Variants in OCEL1 observed in about 807,000 individuals in gnomAD.
The protein encoded by OCEL1 is occludin/ELL domain containing 1, also known as occludin/ELL domain-containing protein 1.
A neutral mutation model predicts 29.4 loss-of-function variants in OCEL1; 24 were observed. That is an observed-to-expected ratio of 0.82 (90% CI 0.59 to 1.15). The LOEUF is 1.15. Among genes scored for constraint, OCEL1 ranks in the 50% most tolerant of loss-of-function variants. The probability of loss-of-function intolerance (pLI) is 0.00; values close to 1 mark genes in which losing one functional copy is unlikely to be tolerated. For synonymous variants in OCEL1, 172 were observed against 145.3 expected, an observed-to-expected ratio of 1.18 and a Z score of -1.32; for missense variants, 402 against 352.5, an observed-to-expected ratio of 1.14 and a Z score of -1.13.
At chr19:17,226,541 C>T in intron 1 of OCEL1, 152 bp from the exon 2 acceptor site, 2 of 961,722 alleles carry the variant, frequency 2.1e-6, no homozygotes, top group South Asian at 1.7e-5. Flanking sequence ...GACGTCGCTG[C>T]GGACCAATCG....
At position 17,227,908 on chromosome 19, in the gene OCEL1, G is replaced by A; in HGVS notation, c.521G>A (p.Gly174Glu). The change falls in exon 4 of 6, where the codon GGA becomes GAA. Residue 174 changes from glycine (G) to glutamate (E), a missense_variant. By Grantham distance (98) the Gly-to-Glu change is moderately conservative. Transcript: ENST00000215061. ...GTCGCAGTGTTCCAGGACCAGTACG[G>A]AGAGTTCTTGGAGCTCCAGCACGAG... ...RYVAVFQDQYGEFLELQHEVG... is the reference protein window; with the variant it reads ...RYVAVFQDQYEEFLELQHEVG... The A allele has an allele frequency of 6.2e-7, 1 of 1,613,800 alleles. No homozygotes were observed. The highest frequency in any genetic ancestry group is 2.2e-5 in the East Asian group (1 of 44,878).
Position 17,228,798 on chromosome 19 carries a change from C to T in OCEL1, c.673-5C>T. 1 of 1,612,500 alleles carries T rather than the reference C, an allele frequency of 6.2e-7. No individual in the cohort carries two copies. The stretch of plus-strand genomic sequence containing the variant: ...GCAAAGACTTCCGGGTCTCGCCCTG[C>T]CTAGGATCCTGGCTTCCTGGACAAG... On this transcript the variant is annotated splice_polypyrimidine_tract_variant and splice_region_variant and intron_variant, in intron 5 of 5. Coordinates refer to ENST00000215061, the MANE Select transcript of OCEL1 (RefSeq NM_024578.3).
At chr19:17,226,614 C>T (rs1250815354) in intron 1 of OCEL1, 79 bp from the exon 2 acceptor site, 6 of 1,369,616 alleles carry the variant, frequency 4.4e-6, no homozygotes, top group East Asian at 5.3e-5. Context: ...GAGAGTTGGC[C>T]GCTCTTCGGC....
At position 17,226,784 on chromosome 19, in the gene OCEL1, G is replaced by T; in HGVS notation, c.161G>T (p.Arg54Leu). The T allele has an allele frequency of 6.3e-7, 1 of 1,593,562 alleles. No individual in the cohort carries two copies. The highest frequency in any genetic ancestry group is 1.1e-5 in the South Asian group (1 of 89,662). Residue 54 changes from arginine to leucine, a missense_variant, in exon 2 of 6, where the codon CGG (arginine) becomes CTG (leucine). Arg to Leu is a moderately radical substitution (Grantham distance 102). Transcript: ENST00000215061. ...CGGAAACCCCTGAGCTGCTTCTCCC[G>T]GAGGCCGATGCCCACCCGGGAGCCC... ...SARKPLSCFS[R>L]RPMPTREPPK...
In OCEL1 at chr19:17,226,728, C is replaced by T. The variant is rs779370996; in HGVS notation, c.105C>T (p.His35=). Residue 35 remains histidine, a synonymous_variant, in exon 2 of 6, where the codon CAC becomes CAT. Coordinates refer to ENST00000215061, the MANE Select transcript of OCEL1 (RefSeq NM_024578.3). ...GACCACCCCCGCCGCGCGCGGGACA[C>T]GACGCCCCCCGCAGGACCCGCCCAT... ...ARRPPPPRAG[H]DAPRRTRPSA... is the part of the protein sequence containing the mutation. 4 of 1,535,076 alleles carry T rather than the reference C, an allele frequency of 2.6e-6. No individual in the cohort carries two copies. Among genetic ancestry groups the T allele is most frequent in the Non-Finnish European group, 3.5e-6 (4 of 1,148,846 alleles).
chr19:17,226,910 G>C, intron 2 of OCEL1, 41 bp downstream of exon 2: 2 of 1,514,880 alleles, frequency 1.3e-6, no homozygotes, highest in Non-Finnish European at 1.8e-6. Flanking sequence ...CGGGCCTCTA[G>C]GCAAAAGATT....
chr19:17,228,767 A>C, intron 5 of OCEL1, 36 bp from the exon 6 acceptor site: 1 of 1,606,880 alleles, frequency 6.2e-7, no homozygotes, highest in Non-Finnish European at 8.5e-7. Context: ...CACAGGGCAG[A>C]CTGCTGCAAA....
chr19:17,228,507 G>A, intron 5 of OCEL1, 198 bp downstream of exon 5: 2 of 632,238 alleles, frequency 3.2e-6, no homozygotes, highest in African/African-American at 1.8e-5. Flanking sequence ...TGCCTCAGCT[G>A]GGATCACAGG....
chr19:17,228,433 G>A (rs553746170), intron 5 of OCEL1, 124 bp downstream of exon 5: 36 of 994,640 alleles, frequency 3.6e-5, no homozygotes, highest in South Asian at 1.4e-4. Context: ...TCACCCAGGC[G>A]GGAGTGCAGT....
At position 17,226,847 on chromosome 19, in the gene OCEL1, A is replaced by C. The variant is rs200411700; in HGVS notation, c.224A>C (p.His75Pro). The C allele has an allele frequency of 3.6e-4, 554 of 1,551,220 alleles. No homozygotes were observed. The highest frequency in any genetic ancestry group is 4.6e-4 in the Non-Finnish European group (531 of 1,155,940). The change falls in exon 2 of 6, where the codon CAC becomes CCC. Residue 75 changes from histidine to proline, a missense_variant. By Grantham distance (77) the His-to-Pro change is moderately conservative (BLOSUM62 -2). Transcript: ENST00000215061. ...GGCTCCCGGGGGCACCTGCATACTC[A>C]CCCGCCTGGGCCTGGGCCCCCGGTG... ...TRGSRGHLHT[H>P]PPGPGPPLQG...
Position 17,229,089 on chromosome 19 carries a change from G to A in OCEL1, c.*164G>A. 1 of 716,914 alleles carries A rather than the reference G, an allele frequency of 1.4e-6. No homozygotes were observed. Among genetic ancestry groups the A allele is most frequent in the Non-Finnish European group, 2.2e-6 (1 of 462,408 alleles). 44.4% of individuals were successfully genotyped at this position (716,914 alleles called of 1,614,324 possible). A position where few individuals can be genotyped will look rare whatever the true frequency, so the allele number is the denominator to read the frequency against. ...CTCAGCTCTGACAGCCCCTCCTCCA[G>A]GAAGGCCTTCCAGGACTTCCTCCTC... On this transcript the variant is annotated 3_prime_UTR_variant, in exon 6 of 6. Transcript: ENST00000215061.
At position 17,228,391 on chromosome 19, in the gene OCEL1, T is replaced by C. The variant is rs528122389; in HGVS notation, c.672+82T>C. On this transcript the variant is annotated intron_variant, in intron 5 of 5. Transcript: ENST00000215061. ...GGTGCCTGTGCCCAGTTTCTTTTTT[T>C]TTTCTTTCTTTTGAGACAGAATCTC... The C allele has an allele frequency of 4.8e-5, 67 of 1,399,930 alleles. No homozygotes were observed. The South Asian group carries it at 6.1e-4, about 13-fold the overall frequency. 86.7% of individuals were successfully genotyped at this position (1,399,930 alleles called of 1,614,324 possible).
rs141402388 is a variant in OCEL1 at position 17,228,261 on chromosome 19, G to A, written c.624G>A (p.Glu208=). The change falls in exon 5 of 6, where the codon GAG becomes GAA. Residue 208 remains glutamate (E), a synonymous_variant. Coordinates refer to ENST00000215061, the MANE Select transcript of OCEL1 (RefSeq NM_024578.3). ...SSLPPPQSQK[E]AQVAARVWRE... ...TTCTACTCCTCCCCTTGCAGAAGGA[G>A]GCCCAAGTTGCAGCCCGGGTTTGGA... The A allele has an allele frequency of 1.5e-4, 237 of 1,614,106 alleles. 2 individuals are homozygous for A. The African/African-American group carries it at 2.7e-3, about 19-fold the overall frequency.
rs1395204928 is a variant in OCEL1 at position 17,226,714 on chromosome 19, C to CCG, written c.98_99dup (p.Gly34ArgfsTer17). On this transcript the variant is annotated frameshift_variant, in exon 2 of 6. Transcript: ENST00000215061. LOFTEE classifies it high-confidence loss of function. ...ACAGGCCGCCCGCAGACCACCCCCGCCGCGCGCGGGACACGACGCCCCCCG... is the reference window on the plus strand; with the variant it reads ...ACAGGCCGCCCGCAGACCACCCCCGCCGCGCGCGCGGGACACGACGCCCCCCG... 12 of 1,513,174 alleles carry CCG rather than the reference C, an allele frequency of 7.9e-6. No homozygotes were observed. Among genetic ancestry groups the CCG allele is most frequent in the Non-Finnish European group, 1.1e-5 (12 of 1,139,068 alleles). 93.7% of individuals were successfully genotyped at this position (1,513,174 alleles called of 1,614,324 possible).
Position 17,228,922 on chromosome 19 carries a change from C to G in OCEL1, c.792C>G (p.Phe264Leu), listed in dbSNP as rs892875514. The G allele has an allele frequency of 3.7e-6, 6 of 1,612,234 alleles. No homozygotes were observed. The East Asian group carries it at 1.3e-4, about 36-fold the overall frequency. ...DQGDSEGSVYF is the reference protein window; with the variant it reads ...DQGDSEGSVYL Reference sequence around the variant, plus strand: ...GAGACAGCGAGGGCTCCGTGTACTTCTAAGTGCCCCTGCAGATGGGCAGAG... The same window carrying G: ...GAGACAGCGAGGGCTCCGTGTACTTGTAAGTGCCCCTGCAGATGGGCAGAG... Residue 264 changes from phenylalanine to leucine, a missense_variant, in exon 6 of 6, where the codon TTC becomes TTG. Physicochemically the swap from Phe to Leu is conservative, Grantham distance 22. Transcript: ENST00000215061.
Position 17,228,267 on chromosome 19 carries a change from A to T in OCEL1, c.630A>T (p.Gln210His). 6.2e-7 allele frequency: 1 copy of T among 1,613,934 alleles called. No homozygotes were observed. Among genetic ancestry groups the T allele is most frequent in the Non-Finnish European group, 8.5e-7 (1 of 1,179,968 alleles). The change falls in exon 5 of 6, where the codon CAA becomes CAT. Residue 210 changes from glutamine (Q) to histidine (H), a missense_variant. By Grantham distance (24) the Gln-to-His change is conservative (BLOSUM62 0). Coordinates refer to ENST00000215061, the MANE Select transcript of OCEL1 (RefSeq NM_024578.3). ...LPPPQSQKEA[Q>H]VAARVWREFE... ...TCCTCCCCTTGCAGAAGGAGGCCCA[A>T]GTTGCAGCCCGGGTTTGGAGGGAGT... is the stretch of plus-strand genomic sequence containing the variant.
In OCEL1 at chr19:17,226,729, G is replaced by C; in HGVS notation, c.106G>C (p.Asp36His). The change falls in exon 2 of 6, where the codon GAC becomes CAC. Residue 36 changes from aspartate to histidine, a missense_variant. Coordinates refer to ENST00000215061, the MANE Select transcript of OCEL1 (RefSeq NM_024578.3). ...ACCACCCCCGCCGCGCGCGGGACAC[G>C]ACGCCCCCCGCAGGACCCGCCCATC... ...RRPPPPRAGHDAPRRTRPSAR... is the reference protein window; with the variant it reads ...RRPPPPRAGHHAPRRTRPSAR... 1 of 1,536,972 alleles carries C rather than the reference G, an allele frequency of 6.5e-7. No individual in the cohort carries two copies.
rs567601025 is a variant in OCEL1 at position 17,226,476 on chromosome 19, T to A, written c.69+160T>A. 5.2e-6 allele frequency: 5 copies of A among 963,472 alleles called. No homozygotes were observed. In the South Asian group the frequency reaches 8.3e-5, roughly 16 times the overall value. 59.7% of individuals were successfully genotyped at this position (963,472 alleles called of 1,614,324 possible). On this transcript the variant is annotated intron_variant, in intron 1 of 5. Transcript: ENST00000215061. ...GCCGGTCCCAGGCTGCGCGGCGACGTCAGAGTTCATTTACATAGCGCTTAT... is the reference window on the plus strand; with the variant it reads ...GCCGGTCCCAGGCTGCGCGGCGACGACAGAGTTCATTTACATAGCGCTTAT...
chr19:17,227,222 T>G, intron 3 of OCEL1, 23 bp downstream of exon 3: 1 of 1,466,756 alleles, frequency 6.8e-7, no homozygotes, highest in South Asian at 1.5e-5. Context: ...CATGTGATTC[T>G]TCATGCCTGG....
Sources: allele counts gnomAD v4.1 joint callset, GRCh38; gene constraint gnomAD v4.1.1; transcripts MANE v1.5; gene names NCBI Gene and HGNC (gene_info 2026-07-23, HGNC 2026-07-21).